Variants in HOXB3 observed in about 807,000 individuals in gnomAD.
HOXB3 encodes homeobox B3, also known as homeobox protein Hox-B3.
Under a neutral mutation model 29.2 loss-of-function variants are expected in HOXB3, and 17 were observed. The ratio of observed to expected loss-of-function variants is 0.58; its 90% CI spans 0.40 to 0.87. HOXB3 has a LOEUF of 0.87. Among genes scored for constraint, HOXB3 ranks in the 40% least tolerant of loss-of-function variants. The pLI, the probability that HOXB3 is intolerant of heterozygous loss-of-function variation, is 0.00. For synonymous variants in HOXB3, 317 were observed against 285.9 expected, an observed-to-expected ratio of 1.11 and a Z score of -1.10; for missense variants, 637 against 616.3, an observed-to-expected ratio of 1.03 and a Z score of -0.35.
Position 48,550,619 on chromosome 17 carries a change from G to C in HOXB3, c.1011C>G (p.Asn337Lys), listed in dbSNP as rs1471029879. The C allele has an allele frequency of 1.3e-6, 2 of 1,521,270 alleles. No homozygotes were observed. Among genetic ancestry groups the C allele is most frequent in the African/African-American group, 1.4e-5 (1 of 71,810 alleles). The allele number at this position is 1,521,270 out of a possible 1,614,324, so 94.2% of individuals were successfully genotyped here. A position where few individuals can be genotyped will look rare whatever the true frequency, so the allele number is the denominator to read the frequency against. ...TGGTGGGCGTCCCGTAGGCGCCCCC[G>C]TTGGCTTGGAGGACGTGCGGCTCAT... ...PEYEPHVLQA[N>K]GGAYGTPTMQ... The change falls in exon 5 of 5, where the codon AAC becomes AAG. Residue 337 changes from asparagine (N) to lysine (K), a missense_variant. Coordinates refer to ENST00000498678, the MANE Select transcript of HOXB3 (RefSeq NM_001384749.1).
Position 48,552,571 on chromosome 17 carries a change from A to ACCCCCCCCCCCCCCCCCCCCCCC in HOXB3, c.-98_-97insGGGGGGGGGGGGGGGGGGGGGGG, listed in dbSNP as rs59742556. 1.4e-5 allele frequency: 7 copies of ACCCCCCCCCCCCCCCCCCCCCCC among 504,640 alleles called. No homozygotes were observed. The highest frequency in any genetic ancestry group is 1.1e-4 in the Admixed American group (2 of 17,578). The allele number at this position is 504,640 out of a possible 1,614,324, so 31.3% of individuals were successfully genotyped here. A position where few individuals can be genotyped will look rare whatever the true frequency, so the allele number is the denominator to read the frequency against. ...CCCTGGGGGTCACGTGACACGCCGG[A>ACCCCCCCCCCCCCCCCCCCCCCC]CCCCCCCCCCCCACCTCCCCTCTCT... On this transcript the variant is annotated 5_prime_UTR_variant, in exon 4 of 5. It introduces an in-frame stop codon into an upstream open reading frame of the 5' UTR. Transcript: ENST00000498678.
At position 48,577,067 on chromosome 17, in the gene HOXB3, CGAAAGA is replaced by C; in HGVS notation, c.-424-3059_-424-3054del. 4.7e-6 allele frequency: 7 copies of C among 1,500,764 alleles called. No individual in the cohort carries two copies. The South Asian group carries it at 9.2e-5, about 20-fold the overall frequency. 93.0% of individuals were successfully genotyped at this position (1,500,764 alleles called of 1,614,324 possible). On this transcript the variant is annotated intron_variant, in intron 1 of 4. Coordinates refer to ENST00000498678, the MANE Select transcript of HOXB3 (RefSeq NM_001384749.1). Reference sequence around the variant, plus strand: ...GAGAAAGAGAAAGTTTTATTGCCCCCGAAAGAGAGAGTCCTTTCTTCCAGGGAACAC... The same window carrying C: ...GAGAAAGAGAAAGTTTTATTGCCCCCGAGAGTCCTTTCTTCCAGGGAACAC...
intron 1 of HOXB3, among the ~76,000 whole-genome samples, chr17:48,584,745 C>T (rs1336659083): frequency 2.0e-5 from 3 of 152,294 alleles, no homozygotes; most frequent in Non-Finnish European, 4.4e-5. Context: ...CCACCACCAC[C>T]AGTCTCGCCC....
chr17:48,568,371 G>A (rs61648156), intron 2 of HOXB3, among the ~76,000 whole-genome samples: 2,742 of 152,232 alleles, frequency 0.018, 95 homozygotes, highest in African/African-American at 0.063. Flanking sequence ...TGAAAATCTC[G>A]CTTTAATTGA....
chr17:48,584,912 T>TC lies in HOXB3; in HGVS notation c.-425+5212dup, dbSNP rs1221923760. On this transcript the variant is annotated intron_variant, in intron 1 of 4. Coordinates refer to ENST00000498678, the MANE Select transcript of HOXB3 (RefSeq NM_001384749.1). Reference sequence around the variant, plus strand: ...CCGTCTTCACACACATACAGCCCCCTCCCCCACCGCCCCACCCCGCCCCCG... The same window carrying TC: ...CCGTCTTCACACACATACAGCCCCCTCCCCCCACCGCCCCACCCCGCCCCCG... Among the ~76,000 whole-genome samples, 502 of 98,620 alleles carry TC rather than the reference T, an allele frequency of 5.1e-3. 2 individuals carry two copies. The highest frequency in any genetic ancestry group is 7.2e-3 in the Non-Finnish European group (333 of 46,048). 64.7% of individuals were successfully genotyped at this position (98,620 alleles called of 152,430 possible).
At chr17:48,553,784 T>C (rs530829066) in intron 3 of HOXB3, 1 of 152,304 alleles carries the variant, frequency 6.6e-6, no homozygotes. Context: ...TAGGATTTTG[T>C]GTATTTGTTC....
At chr17:48,584,729 T>TCACCAC (rs1020616649) in intron 1 of HOXB3, among the ~76,000 whole-genome samples, 1 of 152,150 alleles carries the variant, frequency 6.6e-6, no homozygotes, top group Admixed American at 6.5e-5. Flanking sequence ...TTTCTACAAC[T>TCACCAC]CACCACCACC....
At chr17:48,574,397 G>A (rs2069691445) in intron 1 of HOXB3, 1 of 153,230 alleles carries the variant, frequency 6.5e-6, no homozygotes, top group African/African-American at 2.4e-5. Context: ...CAGTTCAGCA[G>A]CTCTTTTGCG....
intron 1 of HOXB3, chr17:48,578,158 G>A (rs750928177): frequency 1.9e-6 from 3 of 1,601,146 alleles, no homozygotes; most frequent in Non-Finnish European, 2.6e-6. Context: ...CGCGCCGCCC[G>A]AAGCCCGCCT....
chr17:48,568,950 G>A (rs1016538400), intron 2 of HOXB3, among the ~76,000 whole-genome samples: 9 of 152,132 alleles, frequency 5.9e-5, no homozygotes, highest in African/African-American at 2.2e-4. Context: ...GCGGTAGGTA[G>A]TGAGAAATCC....
chr17:48,576,911 C>G, intron 1 of HOXB3: 1 of 1,614,256 alleles, frequency 6.2e-7, no homozygotes, highest in African/African-American at 1.3e-5. Context: ...CCCTCCGGCG[C>G]CGTGTCAGGT....
chr17:48,571,172 G>A (rs1228487981), intron 2 of HOXB3, among the ~76,000 whole-genome samples: 2 of 152,212 alleles, frequency 1.3e-5, no homozygotes, highest in African/African-American at 4.8e-5. Flanking sequence ...CCGATAAAGC[G>A]AACGTTTACA....
In HOXB3 at chr17:48,552,581, C is replaced by A. The variant is rs1220607297; in HGVS notation, c.-107G>T. The A allele has an allele frequency of 3.9e-6, 3 of 771,856 alleles. No individual in the cohort carries two copies. The highest frequency in any genetic ancestry group is 1.9e-5 in the African/African-American group (1 of 51,638). 47.8% of individuals were successfully genotyped at this position (771,856 alleles called of 1,614,324 possible). ...CACGTGACACGCCGGACCCCCCCCC[C>A]CCACCTCCCCTCTCTGCCCCCCTCC... On this transcript the variant is annotated 5_prime_UTR_variant, in exon 4 of 5. Coordinates refer to ENST00000498678, the MANE Select transcript of HOXB3 (RefSeq NM_001384749.1).
chr17:48,558,567 G>A (rs758560720), intron 2 of HOXB3, among the ~76,000 whole-genome samples: 1 of 152,146 alleles, frequency 6.6e-6, no homozygotes, highest in Non-Finnish European at 1.5e-5. Context: ...GAGGTCTCTG[G>A]CGAGCAGGCG....
chr17:48,550,497 T>G lies in HOXB3; in HGVS notation c.1133A>C (p.His378Pro). The change falls in exon 5 of 5, where the codon CAT becomes CCT. Residue 378 changes from histidine to proline, a missense_variant. Physicochemically the swap from His to Pro is moderately conservative, Grantham distance 77 (BLOSUM62 -2). Transcript: ENST00000498678. ...GTAGTCCAGGTTCCCGGAAGGGTGA[T>G]GGGAAAGGTGGTTGAGGCCATAGAG... ...PSLYGLNHLS[H>P]HPSGNLDYNG... 1 of 1,602,386 alleles carries G rather than the reference T, an allele frequency of 6.2e-7. No homozygotes were observed. The highest frequency in any genetic ancestry group is 8.5e-7 in the Non-Finnish European group (1 of 1,177,074).
At chr17:48,565,456 G>C (rs987251444) in intron 2 of HOXB3, among the ~76,000 whole-genome samples, 11 of 152,218 alleles carry the variant, frequency 7.2e-5, no homozygotes, top group Admixed American at 3.3e-4. Context: ...CTCCCCAAAG[G>C]GTTTGGGCTT....
intron 1 of HOXB3, chr17:48,578,738 GCC>G (rs1290347585): frequency 2.3e-5 from 5 of 213,722 alleles, no homozygotes; most frequent in Non-Finnish European, 4.6e-5. Flanking sequence ...TCCCGGTGTA[GCC>G]CTCCTGTTCT....
At chr17:48,575,064 A>G (rs992702085) in intron 1 of HOXB3, 2 of 152,270 alleles carry the variant, frequency 1.3e-5, no homozygotes, top group Non-Finnish European at 2.9e-5. Context: ...GCGAGGAAAG[A>G]GGCCAGCCTC....
chr17:48,550,639 G>A lies in HOXB3; in HGVS notation c.991C>T (p.Pro331Ser), dbSNP rs900088096. 2 of 1,524,902 alleles carry A rather than the reference G, an allele frequency of 1.3e-6. No homozygotes were observed. Among genetic ancestry groups the A allele is most frequent in the Non-Finnish European group, 1.8e-6 (2 of 1,139,628 alleles). The allele number at this position is 1,524,902 out of a possible 1,614,324, so 94.5% of individuals were successfully genotyped here. ...YPPTPAPEYEPHVLQANGGAY... is the reference protein window; with the variant it reads ...YPPTPAPEYESHVLQANGGAY... ...CCCCCGTTGGCTTGGAGGACGTGCG[G>A]CTCATACTCGGGCGCCGGGGTCGGA... The change falls in exon 5 of 5, where the codon CCG becomes TCG. Residue 331 changes from proline (P) to serine (S), a missense_variant. Coordinates refer to ENST00000498678, the MANE Select transcript of HOXB3 (RefSeq NM_001384749.1).
Sources: gnomAD v4.1 joint callset for allele counts (sites outside exome capture counted in the v4.1 genomes callset) on GRCh38, gnomAD v4.1.1 for gene constraint, MANE v1.5 for transcripts, NCBI Gene and HGNC (gene_info 2026-07-23, HGNC 2026-07-21) for gene names.